The following CNTNAP5 variants were observed in gnomAD, a reference collection of about 807,000 sequenced individuals.
CNTNAP5 encodes contactin-associated protein-like 5.
In CNTNAP5, 72 loss-of-function variants were observed where a neutral mutation model predicts 150.2. That is an observed-to-expected ratio of 0.48 (90% CI 0.40 to 0.58). The LOEUF (loss-of-function observed/expected upper bound fraction) is 0.58, where lower values mean the gene tolerates loss of function less well. Among genes scored for constraint, CNTNAP5 ranks in the 20% least tolerant of loss-of-function variants. CNTNAP5 has a pLI of 0.00. For missense variants in CNTNAP5, 1,636 were observed against 1,626.2 expected (o/e 1.01, Z -0.10); for synonymous variants, 672 against 619.8 (o/e 1.08, Z -1.25).
At chr2:124,509,271 A>G (rs2104868678) in intron 8 of CNTNAP5, among the ~76,000 whole-genome samples, 1 of 152,374 alleles carries the variant, frequency 6.6e-6, no homozygotes, top group Non-Finnish European at 1.5e-5. Flanking sequence ...TCAAAATAGA[A>G]GGCATCTGAA....
chr2:124,747,888 C>T (rs895630685), intron 14 of CNTNAP5, among the ~76,000 whole-genome samples: 5 of 147,006 alleles, frequency 3.4e-5, no homozygotes, highest in Non-Finnish European at 4.5e-5. Flanking sequence ...CCACCTGCCT[C>T]GGCTTCCCAA....
At chr2:124,870,524 C>T (rs908443423) in intron 21 of CNTNAP5, among the ~76,000 whole-genome samples, 1 of 151,922 alleles carries the variant, frequency 6.6e-6, no homozygotes, top group Non-Finnish European at 1.5e-5. Context: ...GGTCCTTCTA[C>T]ATTGTGGGGC....
intron 11 of CNTNAP5, among the ~76,000 whole-genome samples, chr2:124,573,736 A>T (rs1032827834): frequency 3.3e-5 from 5 of 152,200 alleles, no homozygotes; most frequent in African/African-American, 4.8e-5. Flanking sequence ...AATTCAATAT[A>T]TGAAGACACA....
chr2:124,039,834 TA>T (rs1226209462), intron 1 of CNTNAP5, among the ~76,000 whole-genome samples: 1 of 148,010 alleles, frequency 6.8e-6, no homozygotes, highest in Non-Finnish European at 1.5e-5. Context: ...AATTTACTAA[TA>T]TTAAATAGTA....
chr2:124,877,445 C>T (rs1677882258), intron 21 of CNTNAP5, among the ~76,000 whole-genome samples: 1 of 152,026 alleles, frequency 6.6e-6, no homozygotes, highest in African/African-American at 2.4e-5. Flanking sequence ...ACGGATTTGC[C>T]AGACATTACA....
Position 124,647,232 on chromosome 2 carries a change from C to T in CNTNAP5, c.1877-526C>T, listed in dbSNP as rs533122290. Reference sequence around the variant, plus strand: ...GGAATAAATACTAAACAAAACAAAACCCTACAATTAACTTCATTGCATGCA... The same window carrying T: ...GGAATAAATACTAAACAAAACAAAATCCTACAATTAACTTCATTGCATGCA... On this transcript the variant is annotated intron_variant, in intron 12 of 23. Coordinates refer to ENST00000682447, the MANE Select transcript of CNTNAP5 (RefSeq NM_001367498.1). Among the ~76,000 whole-genome samples the T allele has an allele frequency of 2.0e-5, 3 of 152,280 alleles. No individual in the cohort carries two copies. The East Asian group carries it at 5.8e-4, about 29-fold the overall frequency.
intron 13 of CNTNAP5, among the ~76,000 whole-genome samples, chr2:124,649,584 C>T (rs774114730): frequency 6.6e-5 from 10 of 152,212 alleles, no homozygotes; most frequent in Non-Finnish European, 1.3e-4. Flanking sequence ...TTTCCTAACT[C>T]AGCTGCCTCA....
At chr2:124,224,669 C>CAT (rs1274443020) in intron 2 of CNTNAP5, among the ~76,000 whole-genome samples, 2 of 151,856 alleles carry the variant, frequency 1.3e-5, no homozygotes, top group East Asian at 3.9e-4. Context: ...CATATACATG[C>CAT]ATATACAGTC....
At chr2:124,053,465 A>G (rs141947999) in intron 1 of CNTNAP5, among the ~76,000 whole-genome samples, 1 of 152,344 alleles carries the variant, frequency 6.6e-6, no homozygotes, top group East Asian at 1.9e-4. Context: ...GGTAAAGAAC[A>G]TGAGAGACAT....
intron 3 of CNTNAP5, among the ~76,000 whole-genome samples, chr2:124,389,306 C>G (rs1691051090): frequency 6.6e-6 from 1 of 151,990 alleles, no homozygotes; most frequent in Non-Finnish European, 1.5e-5. Context: ...TCCTTTTTTC[C>G]AAATTCTACT....
chr2:124,798,770 G>A (rs1372924203), intron 19 of CNTNAP5, among the ~76,000 whole-genome samples: 2 of 152,164 alleles, frequency 1.3e-5, no homozygotes, highest in African/African-American at 4.8e-5. Flanking sequence ...GAGAGAAGTA[G>A]TTAGTATATG....
At chr2:124,419,896 T>TTTCCTTTC (rs1692039014) in intron 4 of CNTNAP5, among the ~76,000 whole-genome samples, 2 of 85,234 alleles carry the variant, frequency 2.3e-5, no homozygotes, top group African/African-American at 4.8e-5. Flanking sequence ...ACTGGATTGG[T>TTTCCTTTC]TTTCTTTCTT....
chr2:124,477,087 C>CT (rs1379892107), intron 7 of CNTNAP5, among the ~76,000 whole-genome samples: 4 of 151,984 alleles, frequency 2.6e-5, no homozygotes, highest in Admixed American at 1.3e-4. Context: ...TTCCTATAGT[C>CT]TTTTAGTTGT....
intron 1 of CNTNAP5, among the ~76,000 whole-genome samples, chr2:124,043,670 T>C (rs1382175050): frequency 2.0e-5 from 3 of 152,184 alleles, no homozygotes; most frequent in Non-Finnish European, 4.4e-5. Context: ...TACCAACCTG[T>C]GTGGGCTACA....
chr2:124,886,272 A>G (rs1678077786), intron 21 of CNTNAP5, among the ~76,000 whole-genome samples: 1 of 152,042 alleles, frequency 6.6e-6, no homozygotes, highest in Non-Finnish European at 1.5e-5. Context: ...ATTCTCTAAT[A>G]TGTGGTTCAA....
intron 13 of CNTNAP5, among the ~76,000 whole-genome samples, chr2:124,740,346 C>T (rs1171086975): frequency 6.6e-6 from 1 of 151,962 alleles, no homozygotes; most frequent in South Asian, 2.1e-4. Flanking sequence ...TAAGTGGCAT[C>T]GAGACTTAAA....
intron 14 of CNTNAP5, among the ~76,000 whole-genome samples, chr2:124,757,829 T>C (rs1680873008): frequency 6.6e-6 from 1 of 152,132 alleles, no homozygotes; most frequent in Admixed American, 6.6e-5. Context: ...GCCTCTAATT[T>C]AGGGATCTTA....
At chr2:124,080,297 A>C (rs991741233) in intron 1 of CNTNAP5, among the ~76,000 whole-genome samples, 3 of 152,208 alleles carry the variant, frequency 2.0e-5, no homozygotes, top group Non-Finnish European at 4.4e-5. Context: ...CTAAAATTTC[A>C]TTCAAAAATA....
At chr2:124,076,963 C>T (rs1046747657) in intron 1 of CNTNAP5, among the ~76,000 whole-genome samples, 1 of 152,108 alleles carries the variant, frequency 6.6e-6, no homozygotes, top group Non-Finnish European at 1.5e-5. Context: ...ATTTCAGAAC[C>T]TCAGTGTCCT....
Sources: allele counts gnomAD v4.1 joint callset (sites outside exome capture counted in the v4.1 genomes callset), GRCh38; gene constraint gnomAD v4.1.1; transcripts MANE v1.5; gene names NCBI Gene and HGNC (gene_info 2026-07-23, HGNC 2026-07-21).